FOXP2: variants seen among roughly 807,000 people sequenced by gnomAD.
The protein encoded by FOXP2 is forkhead box protein P2.
In FOXP2, 12 loss-of-function variants were observed where a neutral mutation model predicts 115.8. That is an observed-to-expected ratio of 0.10 (90% CI 0.07 to 0.17). FOXP2 has a LOEUF of 0.17. FOXP2 is among the 10% of genes least tolerant of loss of function. The probability of loss-of-function intolerance (pLI) is 1.00; values close to 1 mark genes in which losing one functional copy is unlikely to be tolerated. For synonymous variants in FOXP2, 328 were observed against 297.7 expected (o/e 1.10, Z -1.05); for missense variants, 629 against 843.5 (o/e 0.75, Z 3.15).
upstream of FOXP2, chr7:114,086,352 G>C (rs921803325): frequency 7.4e-6 from 3 of 406,492 alleles, no homozygotes; most frequent in African/African-American, 4.4e-5. Flanking sequence ...ACGCCGGCGC[G>C]TGCAGCTCCG....
At chr7:114,526,714 C>G (rs1000829717) in intron 2 of FOXP2, among the ~76,000 whole-genome samples, 8 of 152,128 alleles carry the variant, frequency 5.3e-5, no homozygotes, top group Admixed American at 4.6e-4. Flanking sequence ...AAATCTTGAC[C>G]TTTTTGAGTT....
At chr7:114,405,484 G>A (rs1390460464) in intron 2 of FOXP2, among the ~76,000 whole-genome samples, 1 of 151,770 alleles carries the variant, frequency 6.6e-6, no homozygotes, top group East Asian at 1.9e-4. Context: ...TTTGCTTTTA[G>A]GAAGAAAAGA....
intron 1 of FOXP2, among the ~76,000 whole-genome samples, chr7:114,267,770 A>C (rs921796773): frequency 6.8e-6 from 1 of 146,734 alleles, no homozygotes; most frequent in African/African-American, 2.6e-5. Flanking sequence ...TAAATAAATA[A>C]ATAAATAAAT....
chr7:114,336,137 T>C (rs1797849502), intron 2 of FOXP2, among the ~76,000 whole-genome samples: 1 of 151,500 alleles, frequency 6.6e-6, no homozygotes, highest in Non-Finnish European at 1.5e-5. Flanking sequence ...AGCAAGTGAG[T>C]GCTGTAAGAA....
intron 2 of FOXP2, among the ~76,000 whole-genome samples, chr7:114,393,390 A>G (rs1257015562): frequency 6.6e-6 from 1 of 151,972 alleles, no homozygotes; most frequent in African/African-American, 2.4e-5. Flanking sequence ...AGCTACAGTG[A>G]CCCAGAACAA....
In FOXP2 at chr7:114,269,548, C is replaced by T. The variant is rs532118571; in HGVS notation, c.-101-18471C>T. Reference sequence around the variant, plus strand: ...TAAAGCAATCCTCCAGTCTCAGCCTCCCAAAGTGCTCTGATTAGAAGCGTG... The same window carrying T: ...TAAAGCAATCCTCCAGTCTCAGCCTTCCAAAGTGCTCTGATTAGAAGCGTG... On this transcript the variant is annotated intron_variant, in intron 1 of 17. Coordinates refer to the FOXP2 transcript ENST00000634411. Among the ~76,000 whole-genome samples, 3 of 152,238 alleles carry T rather than the reference C, an allele frequency of 2.0e-5. No individual in the cohort carries two copies. The East Asian group carries it at 5.8e-4, about 29-fold the overall frequency.
chr7:114,681,715 G>T (rs1414052353), intron 16 of FOXP2, among the ~76,000 whole-genome samples: 2 of 152,032 alleles, frequency 1.3e-5, no homozygotes, highest in African/African-American at 4.8e-5. Flanking sequence ...ATAATTTTTT[G>T]AAATAACTAT....
intron 2 of FOXP2, among the ~76,000 whole-genome samples, chr7:114,334,357 G>T (rs987831028): frequency 4.1e-5 from 6 of 146,322 alleles, no homozygotes; most frequent in Admixed American, 3.5e-4. Flanking sequence ...TAAGGAAGTA[G>T]CTCCCAAATT....
intron 1 of FOXP2, among the ~76,000 whole-genome samples, chr7:114,209,810 G>C (rs1205676924): frequency 6.6e-6 from 1 of 152,090 alleles, no homozygotes; most frequent in Non-Finnish European, 1.5e-5. Flanking sequence ...TAATCCCATA[G>C]TTCTCAGAGG....
chr7:114,382,630 C>T (rs958704633), intron 2 of FOXP2, among the ~76,000 whole-genome samples: 8 of 151,990 alleles, frequency 5.3e-5, no homozygotes, highest in Non-Finnish European at 8.8e-5. Flanking sequence ...ATTTTGCCTG[C>T]TCCTCCTGAT....
intron 1 of FOXP2, among the ~76,000 whole-genome samples, chr7:114,415,809 A>G (rs1325269121): frequency 6.6e-6 from 1 of 151,772 alleles, no homozygotes; most frequent in African/African-American, 2.4e-5. Context: ...TGTAGAGCAG[A>G]TGTTTATTTT....
chr7:114,399,114 C>CTTT (rs66789053), intron 2 of FOXP2, among the ~76,000 whole-genome samples: 24 of 141,406 alleles, frequency 1.7e-4, no homozygotes, highest in South Asian at 8.8e-4. Context: ...TTTTCTTTTT[C>CTTT]TTTTTTTTTT....
rs191654848 is a variant in FOXP2, at chr7:114,649,566, G to A, written c.1095-2637G>A. On this transcript the variant is annotated intron_variant, in intron 8 of 16. Coordinates refer to ENST00000350908, the MANE Select transcript of FOXP2 (RefSeq NM_014491.4). Reference sequence around the variant, plus strand: ...TAAAAACATAAAAGAGAATAATTTCGGCACAAAATAGTCATAAATTCATAA... The same window carrying A: ...TAAAAACATAAAAGAGAATAATTTCAGCACAAAATAGTCATAAATTCATAA... 1.5e-3 allele frequency among the ~76,000 whole-genome samples: 232 copies of A among 151,888 alleles called. 1 individual carries two copies. The highest frequency in any genetic ancestry group is 5.1e-3 in the African/African-American group (213 of 41,450).
rs1302894737 is a variant in FOXP2, at chr7:114,538,184, A to G, written c.258+3478A>G. On this transcript the variant is annotated intron_variant, in intron 3 of 16. Transcript: ENST00000350908. The stretch of plus-strand genomic sequence containing the variant: ...CACACATAAATGCCAACATGCACAT[A>G]CACACATGCACACTTCCATAATCTG... The G allele has an allele frequency of 5.0e-5, 22 of 442,632 alleles. No homozygotes were observed. In the Admixed American group the frequency reaches 5.9e-4, roughly 12 times the overall value. The allele number at this position is 442,632 out of a possible 1,614,324, so 27.4% of individuals were successfully genotyped here. A position where few individuals can be genotyped will look rare whatever the true frequency, so the allele number is the denominator to read the frequency against.
rs931790167 is a variant in FOXP2, at chr7:114,571,526, C to T, written c.258+36820C>T. ...GAAACATATAAGTCATGTATTTTCA[C>T]ATATAGTCAGCGCTTCACAGTCATG... On this transcript the variant is annotated intron_variant, in intron 3 of 16. Coordinates refer to ENST00000350908, the MANE Select transcript of FOXP2 (RefSeq NM_014491.4). 7.9e-5 allele frequency among the ~76,000 whole-genome samples: 12 copies of T among 151,938 alleles called. 1 individual carries two copies. The highest frequency in any genetic ancestry group is 6.2e-4 in the South Asian group (3 of 4,818).
intron 2 of FOXP2, 124 bp from the exon 3 acceptor site, chr7:114,534,493 T>C: frequency 1.2e-6 from 1 of 830,886 alleles, no homozygotes; most frequent in South Asian, 1.4e-5. Context: ...TAAACAACAA[T>C]GATTCTCTCT....
chr7:114,507,289 T>C (rs538219511), intron 2 of FOXP2, among the ~76,000 whole-genome samples: 1 of 152,028 alleles, frequency 6.6e-6, no homozygotes, highest in East Asian at 1.9e-4. Context: ...CTCCATTGAT[T>C]TCCTTAAAGC....
chr7:114,329,462 T>C (rs1224495512), intron 2 of FOXP2, among the ~76,000 whole-genome samples: 1 of 143,078 alleles, frequency 7.0e-6, no homozygotes, highest in Non-Finnish European at 1.5e-5. Context: ...GAGGTTGCAG[T>C]GAGCCGAGAT....
In FOXP2 at chr7:114,691,980, C is replaced by A. The variant is rs1310461995; in HGVS notation, c.*2054C>A. Reference sequence around the variant, plus strand: ...AAGAAAAACATTAGAACAATTATGGCAGATTGCATGAAACGTGAGAACGTC... The same window carrying A: ...AAGAAAAACATTAGAACAATTATGGAAGATTGCATGAAACGTGAGAACGTC... On this transcript the variant is annotated 3_prime_UTR_variant, in exon 17 of 17. Transcript: ENST00000350908. 6.9e-6 allele frequency: 3 copies of A among 435,480 alleles called. No homozygotes were observed. The highest frequency in any genetic ancestry group is 2.6e-5 in the Admixed American group (1 of 38,092). The allele number at this position is 435,480 out of a possible 1,614,324, so 27.0% of individuals were successfully genotyped here.
Sources: allele counts gnomAD v4.1 joint callset (sites outside exome capture counted in the v4.1 genomes callset), GRCh38; gene constraint gnomAD v4.1.1; transcripts MANE v1.5; gene names NCBI Gene and HGNC (gene_info 2026-07-23, HGNC 2026-07-21).